Variants in IRAG1 observed in about 807,000 individuals in gnomAD.
The protein encoded by IRAG1 is IP3R-associated cGMP kinase substrate.
Under a neutral mutation model 106.2 loss-of-function variants are expected in IRAG1, and 62 were observed. The ratio of observed to expected loss-of-function variants is 0.58; its 90% CI spans 0.48 to 0.72. IRAG1 has a LOEUF of 0.72. Ranked by LOEUF, IRAG1 falls within the 30% of genes least tolerant of loss-of-function variation. The pLI, the probability that IRAG1 is intolerant of heterozygous loss-of-function variation, is 0.00. For synonymous variants in IRAG1, 462 were observed against 443.9 expected (o/e 1.04, Z -0.51); for missense variants, 1,064 against 1,140.7 (o/e 0.93, Z 0.97).
intron 1 of IRAG1, among the ~76,000 whole-genome samples, chr11:10,655,039 G>T (rs1858813081): frequency 6.6e-6 from 1 of 152,190 alleles, no homozygotes; most frequent in African/African-American, 2.4e-5. Flanking sequence ...CAGTGGTGCT[G>T]GGTAAAGTAT....
At chr11:10,652,309 C>G in intron 1 of IRAG1, 127 bp from the exon 2 acceptor site, 1 of 1,499,634 alleles carries the variant, frequency 6.7e-7, no homozygotes, top group South Asian at 1.4e-5. Flanking sequence ...GAGGTCAAAC[C>G]AGGCTAGGAG....
chr11:10,682,600 T>C (rs1861348405), intron 1 of IRAG1, among the ~76,000 whole-genome samples: 1 of 152,128 alleles, frequency 6.6e-6, no homozygotes, highest in Non-Finnish European at 1.5e-5. Context: ...CTCCAATGTA[T>C]TAACAAGGTT....
At chr11:10,675,375 C>T (rs544536729) in intron 1 of IRAG1, among the ~76,000 whole-genome samples, 1 of 152,332 alleles carries the variant, frequency 6.6e-6, no homozygotes, top group Non-Finnish European at 1.5e-5. Flanking sequence ...GCCTCCCAAA[C>T]AGGAAATGCT....
At chr11:10,630,502 C>T (rs1392126238) in intron 4 of IRAG1, among the ~76,000 whole-genome samples, 2 of 152,106 alleles carry the variant, frequency 1.3e-5, no homozygotes, top group Admixed American at 1.3e-4. Context: ...CTCGCTCGTA[C>T]TTGTTAGCTC....
chr11:10,613,045 T>C (rs1389441174), intron 10 of IRAG1, among the ~76,000 whole-genome samples: 12 of 151,874 alleles, frequency 7.9e-5, no homozygotes, highest in East Asian at 1.9e-4. Context: ...GAAAGAAAGA[T>C]TGAAGTATAT....
intron 12 of IRAG1, among the ~76,000 whole-genome samples, 152 bp downstream of exon 12, chr11:10,606,590 G>C (rs986702556): frequency 4.6e-5 from 7 of 152,110 alleles, no homozygotes; most frequent in Non-Finnish European, 1.0e-4. Context: ...CATGGTTCAA[G>C]AGGGCTGGTC....
At chr11:10,606,594 G>A (rs751364835) in intron 12 of IRAG1, 148 bp downstream of exon 12, 14 of 762,400 alleles carry the variant, frequency 1.8e-5, no homozygotes, top group East Asian at 2.8e-5. Flanking sequence ...GTTCAAGAGG[G>A]CTGGTCATGA....
chr11:10,636,602 G>A (rs537289940), intron 2 of IRAG1, among the ~76,000 whole-genome samples: 122 of 152,304 alleles, frequency 8.0e-4, no homozygotes, highest in Non-Finnish European at 1.5e-3. Context: ...TGTGCCAAAA[G>A]CAACTTGAGA....
rs948490513 is a variant in IRAG1 at position 10,693,543 on chromosome 11, T to C, written c.60A>G (p.Ser20=). ...GATATAGGGGAGGCTTACCTAAAAC[T>C]GAGTTATTCTCCTTTCCTCCTCTGG... ...RLARGGKENN[S]VLACGAQASW... Residue 20 remains serine (S), a synonymous_variant, in exon 1 of 21, where the codon TCA becomes TCG. Transcript: ENST00000423302. 5 of 1,535,588 alleles carry C rather than the reference T, an allele frequency of 3.3e-6. No homozygotes were observed. In the South Asian group the frequency reaches 3.6e-5, roughly 11 times the overall value.
chr11:10,637,709 G>A lies in IRAG1; in HGVS notation c.226-3638C>T, dbSNP rs58678919. ...TTTGTTCAGTGGGCTCCCCTGGTGG[G>A]AGGCCAGCAAGCAGCAGAGGCTGGG... On this transcript the variant is annotated intron_variant, in intron 2 of 20. Coordinates refer to ENST00000423302, the MANE Select transcript of IRAG1 (RefSeq NM_130385.4). 3.9e-5 allele frequency among the ~76,000 whole-genome samples: 6 copies of A among 152,180 alleles called. No individual in the cohort carries two copies. The East Asian group carries it at 1.2e-3, about 30-fold the overall frequency.
At position 10,665,211 on chromosome 11, in the gene IRAG1, CTAACT is replaced by C. The variant is rs1859698064; in HGVS notation, c.68-13034_68-13030del. On this transcript the variant is annotated intron_variant, in intron 1 of 20. Coordinates refer to ENST00000423302, the MANE Select transcript of IRAG1 (RefSeq NM_130385.4). This position sits in a 1 kb window ranked among gnomAD's most constrained non-coding sequence, Gnocchi z 4.2. ...TGATGAGCTTACCCTAAGTTATTCCCTAACTTAGAATATCACCATGCCCTTTTCCT... is the reference window on the plus strand; with the variant it reads ...TGATGAGCTTACCCTAAGTTATTCCCTAGAATATCACCATGCCCTTTTCCT... Among the ~76,000 whole-genome samples the C allele has an allele frequency of 6.6e-6, 1 of 152,134 alleles. No individual in the cohort carries two copies. Among genetic ancestry groups the C allele is most frequent in the Non-Finnish European group, 1.5e-5 (1 of 68,024 alleles).
chr11:10,612,852 G>T (rs1056181838), intron 10 of IRAG1, among the ~76,000 whole-genome samples: 1 of 152,100 alleles, frequency 6.6e-6, no homozygotes, highest in Non-Finnish European at 1.5e-5. Flanking sequence ...ATCATGCAAA[G>T]ATGGAAGATG....
chr11:10,630,498 C>G (rs1027117316), intron 4 of IRAG1, among the ~76,000 whole-genome samples: 15 of 152,164 alleles, frequency 9.9e-5, no homozygotes, highest in African/African-American at 3.1e-4. Context: ...CAGCCTCGCT[C>G]GTACTTGTTA....
chr11:10,677,742 C>A (rs1375118396), intron 1 of IRAG1, among the ~76,000 whole-genome samples: 2 of 152,236 alleles, frequency 1.3e-5, no homozygotes, highest in Admixed American at 1.3e-4. Context: ...TTTTCATCAT[C>A]CCAAATGGAA....
rs371929279 is a variant in IRAG1, at chr11:10,610,177, T to C, written c.1448-326A>G. On this transcript the variant is annotated intron_variant, in intron 10 of 20. Coordinates refer to ENST00000423302, the MANE Select transcript of IRAG1 (RefSeq NM_130385.4). ...TATTAAGCTGGCAATTGGAAGCTGG[T>C]TGGCTCTTTGGCTATAATGTTTGGG... Among the ~76,000 whole-genome samples the C allele has an allele frequency of 2.0e-5, 3 of 152,376 alleles. No homozygotes were observed. The East Asian group carries it at 5.8e-4, about 29-fold the overall frequency.
intron 2 of IRAG1, among the ~76,000 whole-genome samples, chr11:10,639,070 C>A (rs749959430): frequency 1.6e-4 from 24 of 152,262 alleles, no homozygotes; most frequent in Non-Finnish European, 2.9e-4. Flanking sequence ...CAGGCATGCA[C>A]CACCATGCCC....
chr11:10,670,600 C>T (rs1366327820), intron 1 of IRAG1, among the ~76,000 whole-genome samples: 4 of 152,146 alleles, frequency 2.6e-5, no homozygotes, highest in Non-Finnish European at 5.9e-5. Context: ...TTAATTGTGC[C>T]CCCCAATACT....
intron 20 of IRAG1, among the ~76,000 whole-genome samples, chr11:10,578,001 A>G (rs1002050245): frequency 2.0e-5 from 3 of 152,204 alleles, no homozygotes; most frequent in Non-Finnish European, 4.4e-5. Flanking sequence ...GGATGCTAAA[A>G]TGGAGCCTTT....
At chr11:10,612,831 G>C (rs1855081624) in intron 10 of IRAG1, among the ~76,000 whole-genome samples, 1 of 151,958 alleles carries the variant, frequency 6.6e-6, no homozygotes. Context: ...AATTAGAGTT[G>C]GGATGAGAAG....
Sources: gnomAD v4.1 joint callset for allele counts (sites outside exome capture counted in the v4.1 genomes callset) on GRCh38, gnomAD v4.1.1 for gene constraint, Gnocchi (gnomAD v3.1) non-coding constraint, MANE v1.5 for transcripts, NCBI Gene and HGNC (gene_info 2026-07-23, HGNC 2026-07-21) for gene names.